The following NEK6 variants were observed in gnomAD, a reference collection of about 807,000 sequenced individuals.
NEK6 encodes NIMA related kinase 6.
Under a neutral mutation model 43.5 loss-of-function variants are expected in NEK6, and 27 were observed. The observed-to-expected ratio is 0.62, with a 90% CI of 0.46 to 0.86. The LOEUF is 0.86. Among genes scored for constraint, NEK6 ranks in the 40% least tolerant of loss-of-function variants. The pLI, the probability that NEK6 is intolerant of heterozygous loss-of-function variation, is 0.00. For synonymous variants in NEK6, 167 were observed against 164.1 expected, an observed-to-expected ratio of 1.02 and a Z score of -0.14; for missense variants, 318 against 414.4, an observed-to-expected ratio of 0.77 and a Z score of 2.02.
At chr9:124,350,796 A>G (rs766901339) in intron 9 of NEK6, 41 bp from the exon 10 acceptor site, 3 of 1,452,252 alleles carry the variant, frequency 2.1e-6, no homozygotes, top group Middle Eastern at 1.7e-4. Context: ...CCTCAGTAAG[A>G]CTGCTTTCTT....
intron 1 of NEK6, 172 bp downstream of exon 1, chr9:124,258,257 G>A: frequency 1.0e-6 from 1 of 984,182 alleles, no homozygotes; most frequent in Non-Finnish European, 1.2e-6. Flanking sequence ...GGCTGAGCGT[G>A]TCGGCGGCCG....
chr9:124,277,344 G>A (rs1430287166), intron 1 of NEK6, among the ~76,000 whole-genome samples: 1 of 152,238 alleles, frequency 6.6e-6, no homozygotes, highest in Non-Finnish European at 1.5e-5. Context: ...TACTTGGGAG[G>A]CTGAGGCAGG....
chr9:124,263,425 G>A (rs949156470), intron 1 of NEK6, among the ~76,000 whole-genome samples: 32 of 152,198 alleles, frequency 2.1e-4, no homozygotes, highest in African/African-American at 7.0e-4. Context: ...TCATGAGCAC[G>A]TCGCCCACTG....
intron 1 of NEK6, among the ~76,000 whole-genome samples, chr9:124,276,035 A>G (rs777331645): frequency 1.3e-5 from 2 of 152,086 alleles, no homozygotes; most frequent in African/African-American, 2.4e-5. Flanking sequence ...CCCCTGAAGC[A>G]GAGTGTGGCC....
chr9:124,261,281 C>T, intron 1 of NEK6: 1 of 512,078 alleles, frequency 2.0e-6, no homozygotes, highest in Non-Finnish European at 2.5e-6. Context: ...CTGCTGTTCA[C>T]ATTTTTTCTT....
At chr9:124,297,644 G>A (rs1220234922) in intron 1 of NEK6, among the ~76,000 whole-genome samples, 1 of 152,246 alleles carries the variant, frequency 6.6e-6, no homozygotes, top group East Asian at 1.9e-4. Flanking sequence ...CCTCTTTGAG[G>A]TGGTGTTCAG....
chr9:124,305,502 C>T (rs59759499), intron 2 of NEK6, among the ~76,000 whole-genome samples: 22,185 of 147,912 alleles, frequency 0.15, 1,739 homozygotes, highest in African/African-American at 0.21. Context: ...TGCAGTGAGC[C>T]GAGATTGCAC....
intron 8 of NEK6, among the ~76,000 whole-genome samples, chr9:124,340,824 T>A (rs751290358): frequency 1.1e-3 from 164 of 152,318 alleles, no homozygotes; most frequent in Non-Finnish European, 1.2e-3. Context: ...TCTGTCCCCT[T>A]GGGACTGTCG....
intron 1 of NEK6, chr9:124,292,076 G>A: frequency 3.9e-6 from 4 of 1,037,126 alleles, no homozygotes; most frequent in Non-Finnish European, 3.5e-6. Flanking sequence ...CTTCTCAGGA[G>A]CCACTTCAAA....
intron 1 of NEK6, among the ~76,000 whole-genome samples, chr9:124,290,218 C>T (rs1832352673): frequency 1.3e-5 from 2 of 152,230 alleles, no homozygotes; most frequent in Admixed American, 6.5e-5. Flanking sequence ...CTGGCCTGGC[C>T]TATCTGGAGC....
chr9:124,325,294 C>T (rs1430809080), intron 5 of NEK6, among the ~76,000 whole-genome samples: 2 of 152,218 alleles, frequency 1.3e-5, no homozygotes, highest in Non-Finnish European at 2.9e-5. Context: ...GTAAGATGGG[C>T]CTAGCCCTCC....
In NEK6 at chr9:124,335,702, C is replaced by T. The variant is rs1054444279; in HGVS notation, c.623-3869C>T. On this transcript the variant is annotated intron_variant, in intron 7 of 9. Transcript: ENST00000320246. ...CCGTCCTGCGCAGGGTACTGGGATG[C>T]GGCAACAAACAAAGTCCTGCCCCTG... is the stretch of plus-strand genomic sequence containing the variant. Among the ~76,000 whole-genome samples, 8 of 152,214 alleles carry T rather than the reference C, an allele frequency of 5.3e-5. No homozygotes were observed. In the East Asian group the frequency reaches 5.8e-4, roughly 11 times the overall value.
intron 1 of NEK6, among the ~76,000 whole-genome samples, chr9:124,297,370 A>G (rs1388972424): frequency 6.6e-6 from 1 of 152,194 alleles, no homozygotes; most frequent in Admixed American, 6.5e-5. Flanking sequence ...TAAGAGGAAG[A>G]TCTGACTGTT....
chr9:124,317,284 G>A (rs367656680), intron 4 of NEK6, among the ~76,000 whole-genome samples: 2 of 152,114 alleles, frequency 1.3e-5, no homozygotes, highest in Admixed American at 1.3e-4. Context: ...ACAGGGTCTC[G>A]CTCTGTCACC....
chr9:124,291,552 G>A (rs1410131290), intron 1 of NEK6, among the ~76,000 whole-genome samples: 1 of 152,166 alleles, frequency 6.6e-6, no homozygotes, highest in African/African-American at 2.4e-5. Flanking sequence ...CTTGAACCTC[G>A]GAGGCGGAGG....
intron 2 of NEK6, among the ~76,000 whole-genome samples, chr9:124,311,231 G>A (rs541682846): frequency 4.7e-4 from 72 of 152,330 alleles, no homozygotes; most frequent in African/African-American, 1.6e-3. Flanking sequence ...GCCTCGGTAC[G>A]GTGCCCGGCT....
chr9:124,284,427 G>C (rs1214739417), intron 1 of NEK6, among the ~76,000 whole-genome samples: 1 of 152,272 alleles, frequency 6.6e-6, no homozygotes, highest in Non-Finnish European at 1.5e-5. Context: ...GGCCTCAAGT[G>C]AACGGACTCG....
chr9:124,346,550 C>T lies in NEK6; in HGVS notation c.718-1159C>T, dbSNP rs538531505. 1.0e-3 allele frequency among the ~76,000 whole-genome samples: 155 copies of T among 152,252 alleles called. 1 individual carries two copies. The highest frequency in any genetic ancestry group is 3.4e-3 in the African/African-American group (142 of 41,558). Reference sequence around the variant, plus strand: ...GCCAGACAGCAGGAGGGCACTCGCCCGACGGCACTTCACTAGCCGGAGGCA... The same window carrying T: ...GCCAGACAGCAGGAGGGCACTCGCCTGACGGCACTTCACTAGCCGGAGGCA... On this transcript the variant is annotated intron_variant, in intron 8 of 9. Transcript: ENST00000320246.
At chr9:124,283,406 G>T (rs929873160) in intron 1 of NEK6, among the ~76,000 whole-genome samples, 4 of 152,262 alleles carry the variant, frequency 2.6e-5, no homozygotes, top group African/African-American at 2.4e-5. Flanking sequence ...CGACCGGGCA[G>T]GGGTGGGGAA....
Sources: allele counts gnomAD v4.1 joint callset (sites outside exome capture counted in the v4.1 genomes callset), GRCh38; gene constraint gnomAD v4.1.1; transcripts MANE v1.5; gene names NCBI Gene and HGNC (gene_info 2026-07-23, HGNC 2026-07-21).